Variants in RIN2 observed in about 807,000 individuals in gnomAD.
RIN2 encodes the protein RAB5 interacting protein 2.
Under a neutral mutation model 78.0 loss-of-function variants are expected in RIN2, and 36 were observed. That is an observed-to-expected ratio of 0.46 (90% CI 0.35 to 0.61). RIN2 has a LOEUF of 0.61. Among genes scored for constraint, RIN2 ranks in the 20% least tolerant of loss-of-function variants. RIN2 has a pLI of 0.00. For synonymous variants in RIN2, 466 were observed against 466.8 expected, an observed-to-expected ratio of 1.00 and a Z score of 0.02; for missense variants, 1,087 against 1,159.7, an observed-to-expected ratio of 0.94 and a Z score of 0.91.
intron 4 of RIN2, among the ~76,000 whole-genome samples, chr20:19,950,885 T>C (rs1278157474): frequency 8.9e-6 from 1 of 112,594 alleles, no homozygotes; most frequent in Non-Finnish European, 1.8e-5. Flanking sequence ...CTGGCTAACC[T>C]TTTTTTTTTT....
intron 1 of RIN2, among the ~76,000 whole-genome samples, chr20:19,792,876 A>G (rs1429601692): frequency 3.9e-5 from 6 of 152,088 alleles, no homozygotes; most frequent in Non-Finnish European, 7.4e-5. Flanking sequence ...GGATCTTAAA[A>G]GTTTGGCAGG....
At chr20:19,997,707 C>T (rs934669236) in intron 12 of RIN2, among the ~76,000 whole-genome samples, 7 of 151,766 alleles carry the variant, frequency 4.6e-5, no homozygotes, top group African/African-American at 7.3e-5. Context: ...TGCAGTGAGC[C>T]GAGATCACGC....
intron 3 of RIN2, among the ~76,000 whole-genome samples, chr20:19,912,917 G>C (rs1247599277): frequency 6.6e-6 from 1 of 152,234 alleles, no homozygotes; most frequent in Non-Finnish European, 1.5e-5. Context: ...GTTGTCCACA[G>C]CATCAAGAGG....
At chr20:19,886,613 T>TTCTTC (rs754172265) in intron 2 of RIN2, 1 of 45,902 alleles carries the variant, frequency 2.2e-5, no homozygotes, top group Non-Finnish European at 4.0e-5. Flanking sequence ...CTTCTTCTTC[T>TTCTTC]TTTTTTTTTT....
Position 19,960,742 on chromosome 20 carries a change from C to T in RIN2, c.394C>T (p.Leu132Phe), listed in dbSNP as rs1450996457. ...HKSTKMQKKV[L>F]SLRLPCEFGA... is the part of the protein sequence containing the mutation. ...ATCTACCAAGATGCAGAAGAAAGTC[C>T]TCTCCCTCCGCCTGCCCTGTGAATT... is the stretch of plus-strand genomic sequence containing the variant. Residue 132 changes from leucine to phenylalanine, a missense_variant, in exon 6 of 13, where the codon CTC becomes TTC. Leu to Phe is a conservative substitution (Grantham distance 22, BLOSUM62 0). Transcript: ENST00000255006. 1.9e-6 allele frequency: 3 copies of T among 1,605,082 alleles called. No individual in the cohort carries two copies. The highest frequency in any genetic ancestry group is 1.7e-4 in the Middle Eastern group (1 of 6,050).
In RIN2 at chr20:19,761,008, TTGAA is replaced by T. The variant is rs559344656; in HGVS notation, c.-163+2694_-163+2697del. Reference sequence around the variant, plus strand: ...AGACCTACCACTCAAGGAGGGGGTGTTGAATGAATGAATGAACAAAAGTGTCCCT... The same window carrying T: ...AGACCTACCACTCAAGGAGGGGGTGTTGAATGAATGAACAAAAGTGTCCCT... On this transcript the variant is annotated intron_variant, in intron 1 of 12. Coordinates refer to ENST00000255006, the MANE Select transcript of RIN2 (RefSeq NM_018993.4). Among the ~76,000 whole-genome samples, 9 of 152,276 alleles carry T rather than the reference TTGAA, an allele frequency of 5.9e-5. No homozygotes were observed. The East Asian group carries it at 1.4e-3, about 23-fold the overall frequency.
intron 9 of RIN2, among the ~76,000 whole-genome samples, chr20:19,986,581 A>C (rs1343866798): frequency 6.6e-6 from 1 of 152,158 alleles, no homozygotes; most frequent in African/African-American, 2.4e-5. Context: ...CCTCCCTGGC[A>C]GCAAGGATGA....
At chr20:19,864,678 T>C (rs1400531440) in intron 2 of RIN2, among the ~76,000 whole-genome samples, 1 of 152,190 alleles carries the variant, frequency 6.6e-6, no homozygotes, top group Admixed American at 6.5e-5. Context: ...GTAAAGCTAG[T>C]TCAAAGCAGG....
In RIN2 at chr20:19,886,001, T is replaced by A. The variant is rs1261031308; in HGVS notation, c.-36-3565T>A. Among the ~76,000 whole-genome samples the A allele has an allele frequency of 5.2e-5, 5 of 96,712 alleles. No homozygotes were observed. The East Asian group carries it at 1.1e-3, about 22-fold the overall frequency. The allele number at this position is 96,712 out of a possible 152,430, so 63.4% of individuals were successfully genotyped here. ...AAGGGTGGGGAAGGGACAGTAGAGGTGGGCGGGGAATAGGCGACGGGGGAG... is the reference window on the plus strand; with the variant it reads ...AAGGGTGGGGAAGGGACAGTAGAGGAGGGCGGGGAATAGGCGACGGGGGAG... On this transcript the variant is annotated intron_variant, in intron 2 of 12. Transcript: ENST00000255006.
intron 3 of RIN2, among the ~76,000 whole-genome samples, chr20:19,910,016 C>T (rs770970335): frequency 6.6e-6 from 1 of 152,182 alleles, no homozygotes; most frequent in Non-Finnish European, 1.5e-5. Context: ...GAGGACAAGG[C>T]ACAGAGCTGG....
intron 2 of RIN2, among the ~76,000 whole-genome samples, chr20:19,856,117 A>G (rs973920426): frequency 3.3e-5 from 5 of 152,206 alleles, no homozygotes; most frequent in Non-Finnish European, 7.3e-5. Context: ...ACGCTACATC[A>G]TGAATGTCCT....
chr20:19,877,138 C>G (rs987032072), intron 2 of RIN2, among the ~76,000 whole-genome samples: 1 of 152,080 alleles, frequency 6.6e-6, no homozygotes, highest in Non-Finnish European at 1.5e-5. Flanking sequence ...CTAACCTTCC[C>G]CCTTGCTGGA....
rs748369033 is a variant in RIN2, at chr20:20,000,791, C to T, written c.2543C>T (p.Ala848Val). Reference protein sequence around the residue: ...LFVDETWQQLAEDTYPQKIKA... With the variant: ...LFVDETWQQLVEDTYPQKIKA... The stretch of plus-strand genomic sequence containing the variant: ...GTTGACGAGACATGGCAGCAGCTGG[C>T]AGAGGACACTTACCCTCAAAAAATC... Residue 848 changes from alanine to valine, a missense_variant, in exon 13 of 13, where the codon GCA (alanine) becomes GTA (valine). Ala to Val is a moderately conservative substitution (Grantham distance 64). Around this residue, in one of 8 missense-constraint regions of RIN2, gnomAD observed 160 missense variants for 179.4 expected, o/e 0.89. Transcript: ENST00000255006. The T allele has an allele frequency of 1.2e-6, 2 of 1,614,000 alleles. No homozygotes were observed. Among genetic ancestry groups the T allele is most frequent in the Non-Finnish European group, 1.7e-6 (2 of 1,179,902 alleles).
At chr20:19,922,052 G>A (rs2039947154) in intron 3 of RIN2, among the ~76,000 whole-genome samples, 1 of 152,178 alleles carries the variant, frequency 6.6e-6, no homozygotes, top group African/African-American at 2.4e-5. Context: ...TTTTAGTAGA[G>A]ATGGTGTTTC....
chr20:19,877,951 T>C (rs1047046621), intron 2 of RIN2, among the ~76,000 whole-genome samples: 2 of 151,836 alleles, frequency 1.3e-5, no homozygotes, highest in Non-Finnish European at 2.9e-5. Context: ...GCCTGGGAGG[T>C]TGAGGCTGCA....
intron 1 of RIN2, among the ~76,000 whole-genome samples, chr20:19,768,474 G>T (rs2033983162): frequency 6.6e-6 from 1 of 152,200 alleles, no homozygotes; most frequent in Non-Finnish European, 1.5e-5. Flanking sequence ...CTGCATGCGG[G>T]CAAAGCGAGT....
At chr20:19,912,428 C>T (rs980311014) in intron 3 of RIN2, among the ~76,000 whole-genome samples, 11 of 151,992 alleles carry the variant, frequency 7.2e-5, no homozygotes, top group African/African-American at 2.7e-4. Flanking sequence ...AGGAAAAGCC[C>T]CTGCATCCAT....
intron 3 of RIN2, among the ~76,000 whole-genome samples, chr20:19,922,112 C>T (rs2039949478): frequency 1.3e-5 from 2 of 152,150 alleles, no homozygotes; most frequent in Admixed American, 6.5e-5. Context: ...GTGATCTATT[C>T]GCCTCGGCCT....
At chr20:19,906,339 C>T (rs1422872467) in intron 3 of RIN2, among the ~76,000 whole-genome samples, 1 of 152,108 alleles carries the variant, frequency 6.6e-6, no homozygotes, top group Non-Finnish European at 1.5e-5. Context: ...GCCCTAGCTA[C>T]CCCGGAGGCT....
Sources: gnomAD v4.1 joint callset for allele counts (sites outside exome capture counted in the v4.1 genomes callset) on GRCh38, gnomAD v4.1.1 for gene constraint, gnomAD v4.1.1 regional missense constraint, MANE v1.5 for transcripts, NCBI Gene and HGNC (gene_info 2026-07-23, HGNC 2026-07-21) for gene names.